The following KRT14 variants were observed in gnomAD, a reference collection of about 807,000 sequenced individuals.
KRT14 encodes keratin, type I cytoskeletal 14.
Under a neutral mutation model 44.5 loss-of-function variants are expected in KRT14, and 30 were observed. That is an observed-to-expected ratio of 0.67 (90% CI 0.50 to 0.92). The LOEUF is 0.92. Among genes scored for constraint, KRT14 ranks in the 40% least tolerant of loss-of-function variants. KRT14 has a pLI of 0.00. For synonymous variants in KRT14, 241 were observed against 257.6 expected (o/e 0.94, Z 0.62); for missense variants, 535 against 640.6 (o/e 0.84, Z 1.78).
In KRT14 at chr17:41,583,316, T is replaced by G; in HGVS notation, c.1193A>C (p.Tyr398Ser). 1 of 1,613,756 alleles carries G rather than the reference T, an allele frequency of 6.2e-7. No homozygotes were observed. The highest frequency in any genetic ancestry group is 8.5e-7 in the Non-Finnish European group (1 of 1,180,010). The change falls in exon 6 of 8, where the codon TAC (tyrosine) becomes TCC (serine). Residue 398 changes from tyrosine to serine, a missense_variant. Physicochemically the swap from Tyr to Ser is moderately radical, Grantham distance 144. Transcript: ENST00000167586. ...CGTCTTCACGTCCAGCAGGATCTTG[T>G]ACTCCTGGTTCTGCTGCTCCATCTC... is the stretch of plus-strand genomic sequence containing the variant. ...RCEMEQQNQE[Y>S]KILLDVKTRL... is the part of the protein sequence containing the mutation.
At chr17:41,585,493 T>C (rs1455893106) in intron 1 of KRT14, among the ~76,000 whole-genome samples, 1 of 152,214 alleles carries the variant, frequency 6.6e-6, no homozygotes, top group Admixed American at 6.5e-5. Flanking sequence ...TCACAGGCCA[T>C]GGGACTTCAA....
intron 7 of KRT14, 137 bp downstream of exon 7, chr17:41,582,957 C>T: frequency 2.3e-6 from 2 of 866,034 alleles, no homozygotes; most frequent in Non-Finnish European, 3.8e-6. Flanking sequence ...GCTTCTTCCA[C>T]CCAAGGAGGT....
chr17:41,583,069 G>A, intron 7 of KRT14, 25 bp downstream of exon 7: 1 of 1,611,140 alleles, frequency 6.2e-7, no homozygotes, highest in South Asian at 1.1e-5. Flanking sequence ...CTGGAGCCCA[G>A]GCCTGCAGAG....
rs1907488219 is a variant in KRT14, at chr17:41,585,166, T to C, written c.526-109A>G. 1.0e-5 allele frequency: 9 copies of C among 860,692 alleles called. No homozygotes were observed. In the East Asian group the frequency reaches 2.1e-4, roughly 20 times the overall value. 53.3% of individuals were successfully genotyped at this position (860,692 alleles called of 1,614,324 possible). On this transcript the variant is annotated intron_variant, in intron 1 of 7. Transcript: ENST00000167586. ...TCATGTTCTTGCCTGAATCCCCCTTTTCCCCCACAAAACTTGACCATAGCA... is the reference window on the plus strand; with the variant it reads ...TCATGTTCTTGCCTGAATCCCCCTTCTCCCCCACAAAACTTGACCATAGCA...
rs773041960 is a variant in KRT14, at chr17:41,586,704, C to T, written c.131G>A (p.Ser44Asn). ...GACAGACAGGCCGCCCCCGTAGGTGCTGGGGGCGCGGCAGGACCCTCCGGC... is the reference window on the plus strand; with the variant it reads ...GACAGACAGGCCGCCCCCGTAGGTGTTGGGGGCGCGGCAGGACCCTCCGGC... The part of the protein sequence containing the change: ...VLAGGSCRAP[S>N]TYGGGLSVSS... Residue 44 changes from serine to asparagine, a missense_variant, in exon 1 of 8, where the codon AGC becomes AAC. Coordinates refer to ENST00000167586, the MANE Select transcript of KRT14 (RefSeq NM_000526.5). The T allele has an allele frequency of 1.3e-6, 2 of 1,591,808 alleles. No homozygotes were observed.
In KRT14 at chr17:41,586,840, A is replaced by G. The variant is rs371523442; in HGVS notation, c.-6T>C. On this transcript the variant is annotated 5_prime_UTR_variant, in exon 1 of 8. Coordinates refer to ENST00000167586, the MANE Select transcript of KRT14 (RefSeq NM_000526.5). ...TGGCGGCTGCAGGTGGTCATGGTGCAGAGGAGGGAGGTGAGCGAGCGAGCA... is the reference window on the plus strand; with the variant it reads ...TGGCGGCTGCAGGTGGTCATGGTGCGGAGGAGGGAGGTGAGCGAGCGAGCA... 1.2e-4 allele frequency: 197 copies of G among 1,582,388 alleles called. No homozygotes were observed. Among genetic ancestry groups the G allele is most frequent in the Non-Finnish European group, 1.6e-4 (184 of 1,167,266 alleles).
Position 41,586,714 on chromosome 17 carries a change from G to A in KRT14, c.121C>T (p.Arg41Cys), listed in dbSNP as rs536753971. 1.7e-4 allele frequency: 275 copies of A among 1,589,852 alleles called. No homozygotes were observed. In the Middle Eastern group the frequency reaches 3.1e-3, roughly 18 times the overall value. ...CCGCCCCCGTAGGTGCTGGGGGCGC[G>A]GCAGGACCCTCCGGCCAGGACGGAG... is the stretch of plus-strand genomic sequence containing the variant. Reference protein sequence around the residue: ...ISSVLAGGSCRAPSTYGGGLS... With the variant: ...ISSVLAGGSCCAPSTYGGGLS... The change falls in exon 1 of 8, where the codon CGC (arginine) becomes TGC (cysteine). Residue 41 changes from arginine (R) to cysteine (C), a missense_variant. Transcript: ENST00000167586.
rs1215840031 is a variant in KRT14, at chr17:41,584,024, G to A, written c.766-103C>T. The A allele has an allele frequency of 3.5e-5, 36 of 1,025,894 alleles. 1 individual carries two copies. Among genetic ancestry groups the A allele is most frequent in the South Asian group, 2.6e-4 (20 of 78,100 alleles). The allele number at this position is 1,025,894 out of a possible 1,614,324, so 63.5% of individuals were successfully genotyped here. On this transcript the variant is annotated intron_variant, in intron 3 of 7. Transcript: ENST00000167586. ...CCTCCCACCATCACAATTCTATCTCGACTCTCCCTTCTCTCTCTCTCTCTC... is the reference window on the plus strand; with the variant it reads ...CCTCCCACCATCACAATTCTATCTCAACTCTCCCTTCTCTCTCTCTCTCTC...
chr17:41,585,662 G>C (rs1311986204), intron 1 of KRT14, among the ~76,000 whole-genome samples: 2 of 152,230 alleles, frequency 1.3e-5, no homozygotes, highest in East Asian at 3.8e-4. Flanking sequence ...GAGCCCAACA[G>C]ACTCCAGCAG....
chr17:41,584,051 ATCTCTC>A (rs200977988), intron 3 of KRT14, 130 bp from the exon 4 acceptor site: 2 of 431,598 alleles, frequency 4.6e-6, no homozygotes, highest in East Asian at 8.8e-5. Flanking sequence ...CTCTCTCTCA[ATCTCTC>A]TCTCTCTCTC....
Position 41,586,515 on chromosome 17 carries a change from C to T in KRT14, c.320G>A (p.Gly107Asp). ...GGGFGGGFAG[G>D]DGLLVGSEKV... ...CTCACTGCCCACCAGAAGCCCATCA[C>T]CACCAGCAAAGCCACCACCAAAGCC... Residue 107 changes from glycine to aspartate, a missense_variant, in exon 1 of 8, where the codon GGT (glycine) becomes GAT (aspartate). Coordinates refer to ENST00000167586, the MANE Select transcript of KRT14 (RefSeq NM_000526.5). 1 of 1,614,186 alleles carries T rather than the reference C, an allele frequency of 6.2e-7. No homozygotes were observed. The highest frequency in any genetic ancestry group is 8.5e-7 in the Non-Finnish European group (1 of 1,180,028).
intron 1 of KRT14, among the ~76,000 whole-genome samples, chr17:41,585,873 C>T (rs990841372): frequency 6.6e-6 from 1 of 152,224 alleles, no homozygotes; most frequent in South Asian, 2.1e-4. Flanking sequence ...GACTAGTGAG[C>T]TAATGAGTGG....
At position 41,582,446 on chromosome 17, in the gene KRT14, T is replaced by A; in HGVS notation, c.1408A>T (p.Thr470Ser). 6.4e-7 allele frequency: 1 copy of A among 1,565,014 alleles called. No individual in the cohort carries two copies. Among genetic ancestry groups the A allele is most frequent in the Non-Finnish European group, 8.7e-7 (1 of 1,154,928 alleles). ...VVSTHEQVLR[T>S]KN The stretch of plus-strand genomic sequence containing the variant: ...GGGGCTGGGCAGCCTCAGTTCTTGG[T>A]GCGAAGGACCTGCTCGTGGGTGGAC... The change falls in exon 8 of 8, where the codon ACC (threonine) becomes TCC (serine). Residue 470 changes from threonine (T) to serine (S), a missense_variant. Coordinates refer to ENST00000167586, the MANE Select transcript of KRT14 (RefSeq NM_000526.5).
intron 1 of KRT14, among the ~76,000 whole-genome samples, chr17:41,585,673 G>A (rs1907502417): frequency 6.6e-6 from 1 of 152,240 alleles, no homozygotes; most frequent in African/African-American, 2.4e-5. Context: ...ACTCCAGCAG[G>A]GAGGGCTCCC....
At position 41,583,813 on chromosome 17, in the gene KRT14, C is replaced by T. The variant is rs779824101; in HGVS notation, c.874G>A (p.Glu292Lys). Residue 292 changes from glutamate (E) to lysine (K), a missense_variant, in exon 4 of 8, where the codon GAG becomes AAG. Coordinates refer to ENST00000167586, the MANE Select transcript of KRT14 (RefSeq NM_000526.5). ...RILNEMRDQY[E>K]KMAEKNRKDA... ...TTGCGGTTCTTCTCTGCCATCTTCT[C>T]ATACTGGTCACGCATCTCGTTCAGA... is the stretch of plus-strand genomic sequence containing the variant. 5.6e-6 allele frequency: 9 copies of T among 1,614,110 alleles called. No individual in the cohort carries two copies. In the Admixed American group the frequency reaches 1.3e-4, roughly 24 times the overall value.
rs780588256 is a variant in KRT14 at position 41,583,696 on chromosome 17, A to G, written c.928-20T>C. The G allele has an allele frequency of 6.8e-6, 11 of 1,614,136 alleles. No homozygotes were observed. In the Admixed American group the frequency reaches 1.3e-4, roughly 20 times the overall value. Reference sequence around the variant, plus strand: ...CTCTGTCTGCAAAAAAGAGAATGCCATTCACACCAGAAGGCCCCAGAAGGC... The same window carrying G: ...CTCTGTCTGCAAAAAAGAGAATGCCGTTCACACCAGAAGGCCCCAGAAGGC... On this transcript the variant is annotated intron_variant, in intron 4 of 7. Coordinates refer to ENST00000167586, the MANE Select transcript of KRT14 (RefSeq NM_000526.5).
intron 1 of KRT14, 62 bp downstream of exon 1, chr17:41,586,248 G>A: frequency 6.2e-7 from 1 of 1,600,888 alleles, no homozygotes; most frequent in Non-Finnish European, 8.5e-7. Context: ...AGGGGCCTGG[G>A]GCATGAATTG....
chr17:41,583,064 G>T, intron 7 of KRT14, 30 bp downstream of exon 7: 1 of 1,604,512 alleles, frequency 6.2e-7, no homozygotes, highest in Non-Finnish European at 8.5e-7. Context: ...GTGGCCTGGA[G>T]CCCAGGCCTG....
At chr17:41,584,199 C>A (rs914306498) in intron 3 of KRT14, 58 bp downstream of exon 3, 1 of 1,568,208 alleles carries the variant, frequency 6.4e-7, no homozygotes, top group African/African-American at 1.4e-5. Context: ...TGGGCACGCA[C>A]CACTGTACCC....
Sources: allele counts gnomAD v4.1 joint callset (sites outside exome capture counted in the v4.1 genomes callset), GRCh38; gene constraint gnomAD v4.1.1; transcripts MANE v1.5; gene names NCBI Gene and HGNC (gene_info 2026-07-23, HGNC 2026-07-21).